Variants in TECR observed in about 807,000 individuals in gnomAD.
TECR encodes the protein very-long-chain enoyl-CoA reductase.
Under a neutral mutation model 50.6 loss-of-function variants are expected in TECR, and 19 were observed. That is an observed-to-expected ratio of 0.38 (90% CI 0.26 to 0.55). The LOEUF (loss-of-function observed/expected upper bound fraction) is 0.55. Ranked by LOEUF, TECR falls within the 20% of genes least tolerant of loss-of-function variation. TECR has a pLI of 0.79. For missense variants in TECR, 313 were observed against 408.3 expected, an observed-to-expected ratio of 0.77 and a Z score of 2.01; for synonymous variants, 168 against 163.5, an observed-to-expected ratio of 1.03 and a Z score of -0.21.
At chr19:14,565,696 GCCCCTCC>G in intron 12 of TECR, 33 bp downstream of exon 12, 1 of 1,611,544 alleles carries the variant, frequency 6.2e-7, no homozygotes, top group Non-Finnish European at 8.5e-7. Context: ...GCGGGGCCCT[GCCCCTCC>G]GGGCCGGCAG....
At chr19:14,532,495 AGAGC>A (rs776090183) in intron 1 of TECR, 11 of 145,356 alleles carry the variant, frequency 7.6e-5, no homozygotes, top group Non-Finnish European at 1.5e-4. Flanking sequence ...CCTGGATGAC[AGAGC>A]GAGAGTCTGT....
At chr19:14,529,781 G>C (rs908495056) in intron 1 of TECR, 70 bp downstream of exon 1, 151 of 1,606,214 alleles carry the variant, frequency 9.4e-5, no homozygotes, top group Non-Finnish European at 1.4e-5. Flanking sequence ...GCGGGACCAC[G>C]GGACCCCACT....
intron 1 of TECR, among the ~76,000 whole-genome samples, chr19:14,551,528 C>T (rs1035143201): frequency 6.6e-6 from 1 of 152,176 alleles, no homozygotes; most frequent in Non-Finnish European, 1.5e-5. Flanking sequence ...CTGACACCGC[C>T]CCCTGTGGCA....
chr19:14,563,444 C>G lies in TECR; in HGVS notation c.118+187C>G, dbSNP rs2073965047. ...ACTCCGCAGGAACGCCCTTGCTAGG[C>G]TCTGGGAAGGACAAGATCCTGCTTC... is the stretch of plus-strand genomic sequence containing the variant. On this transcript the variant is annotated intron_variant, in intron 3 of 12. Coordinates refer to ENST00000215567, the MANE Select transcript of TECR (RefSeq NM_138501.6). The surrounding 1 kb of genome is among the most constrained non-coding windows in gnomAD (Gnocchi z 5.3). The G allele has an allele frequency of 1.2e-6, 1 of 818,224 alleles. No homozygotes were observed. The highest frequency in any genetic ancestry group is 2.0e-6 in the Non-Finnish European group (1 of 502,334). The allele number at this position is 818,224 out of a possible 1,614,324, so 50.7% of individuals were successfully genotyped here. A position where few individuals can be genotyped will look rare whatever the true frequency, so the allele number is the denominator to read the frequency against.
chr19:14,565,170 G>T (rs773726576), intron 10 of TECR, 32 bp from the exon 11 acceptor site: 1 of 1,613,872 alleles, frequency 6.2e-7, no homozygotes, highest in Non-Finnish European at 8.5e-7. Context: ...GGGTGAGGGG[G>T]TCTGACTTTC....
chr19:14,549,715 C>T (rs1017861474), intron 1 of TECR, among the ~76,000 whole-genome samples: 3 of 152,066 alleles, frequency 2.0e-5, no homozygotes, highest in Non-Finnish European at 2.9e-5. Flanking sequence ...GAGGCTTAGG[C>T]GGGCAGATCA....
chr19:14,557,649 G>A (rs1029164920), intron 1 of TECR, among the ~76,000 whole-genome samples: 2 of 148,880 alleles, frequency 1.3e-5, no homozygotes, highest in African/African-American at 2.5e-5. Flanking sequence ...ACGGGGTTTC[G>A]CCATGTTGTC....
chr19:14,557,136 T>A (rs574067400), intron 1 of TECR, among the ~76,000 whole-genome samples: 112 of 150,362 alleles, frequency 7.4e-4, no homozygotes, highest in Middle Eastern at 3.4e-3. Context: ...TTTATTTATT[T>A]ATTTATTTAT....
chr19:14,557,654 G>A (rs951608669), intron 1 of TECR, among the ~76,000 whole-genome samples: 1 of 151,700 alleles, frequency 6.6e-6, no homozygotes, highest in African/African-American at 2.4e-5. Context: ...GTTTCGCCAT[G>A]TTGTCCAGGC....
At chr19:14,560,025 G>T (rs754192) in intron 1 of TECR, among the ~76,000 whole-genome samples, 91,203 of 151,906 alleles carry the variant, frequency 0.6, 28,358 homozygotes, top group African/African-American at 0.77. Flanking sequence ...TGCAGCCCGG[G>T]CTTACCTCCT....
chr19:14,562,330 C>T (rs980794135), intron 1 of TECR, 195 bp from the exon 2 acceptor site: 66 of 667,812 alleles, frequency 9.9e-5, no homozygotes, highest in Middle Eastern at 6.3e-4. Context: ...TGGGGGCTGA[C>T]GGCCGGCAGC....
intron 1 of TECR, among the ~76,000 whole-genome samples, chr19:14,544,857 T>C (rs545495760): frequency 6.6e-6 from 1 of 152,104 alleles, no homozygotes; most frequent in Non-Finnish European, 1.5e-5. Context: ...GGTCTTGAAC[T>C]CATGGGCTCC....
In TECR at chr19:14,563,655, C is replaced by T; in HGVS notation, c.119-3C>T. On this transcript the variant is annotated splice_polypyrimidine_tract_variant and splice_region_variant and intron_variant, in intron 3 of 12. Coordinates refer to ENST00000215567, the MANE Select transcript of TECR (RefSeq NM_138501.6). This position sits in a 1 kb window ranked among gnomAD's most constrained non-coding sequence, Gnocchi z 5.3. ...GGCTGTAACTGCCCTGTTCTCCCCG[C>T]AGATCCGCAGTGGTACCCCGCCCGC... The T allele has an allele frequency of 6.2e-7, 1 of 1,611,556 alleles. No individual in the cohort carries two copies. The highest frequency in any genetic ancestry group is 8.5e-7 in the Non-Finnish European group (1 of 1,179,848).
At chr19:14,546,989 C>G (rs2073330881) in intron 1 of TECR, among the ~76,000 whole-genome samples, 1 of 152,162 alleles carries the variant, frequency 6.6e-6, no homozygotes, top group Non-Finnish European at 1.5e-5. Context: ...GCCACTGCAC[C>G]CAGCCTAAAA....
chr19:14,563,462 C>T lies in TECR; in HGVS notation c.119-196C>T, dbSNP rs2073965608. 1 of 831,704 alleles carries T rather than the reference C, an allele frequency of 1.2e-6. No homozygotes were observed. Among genetic ancestry groups the T allele is most frequent in the South Asian group, 1.5e-5 (1 of 64,654 alleles). 51.5% of individuals were successfully genotyped at this position (831,704 alleles called of 1,614,324 possible). A position where few individuals can be genotyped will look rare whatever the true frequency, so the allele number is the denominator to read the frequency against. On this transcript the variant is annotated intron_variant, in intron 3 of 12. Coordinates refer to ENST00000215567, the MANE Select transcript of TECR (RefSeq NM_138501.6). The surrounding 1 kb of genome is among the most constrained non-coding windows in gnomAD (Gnocchi z 5.3). Reference sequence around the variant, plus strand: ...TGCTAGGCTCTGGGAAGGACAAGATCCTGCTTCTGCCCGCGCTCTTCTGGC... The same window carrying T: ...TGCTAGGCTCTGGGAAGGACAAGATTCTGCTTCTGCCCGCGCTCTTCTGGC...
chr19:14,565,083 C>T lies in TECR; in HGVS notation c.624C>T (p.Asn208=). The part of the protein sequence containing the change: ...LAIFVICQLG[N]FSIHMALRDL... The stretch of plus-strand genomic sequence containing the variant: ...TCTGACAGATCTGCCAGCTCGGCAA[C>T]TTCTCCATCCACATGGCCCTGCGGG... The change falls in exon 10 of 13, where the codon AAC becomes AAT. Residue 208 remains asparagine (N), a synonymous_variant. Transcript: ENST00000215567. 1 of 1,613,924 alleles carries T rather than the reference C, an allele frequency of 6.2e-7. No individual in the cohort carries two copies. Among genetic ancestry groups the T allele is most frequent in the Non-Finnish European group, 8.5e-7 (1 of 1,180,040 alleles).
At chr19:14,535,079 G>C (rs897313249) in intron 1 of TECR, among the ~76,000 whole-genome samples, 2 of 152,128 alleles carry the variant, frequency 1.3e-5, no homozygotes, top group Non-Finnish European at 2.9e-5. Context: ...AGGATTGAGA[G>C]TGATGAGCCT....
At position 14,542,341 on chromosome 19, in the gene TECR, C is replaced by G. The variant is rs535877467; in HGVS notation, c.15+12630C>G. Reference sequence around the variant, plus strand: ...TTAAGTCCTCAGGGGGCCCTCATGCCATAGTGTTTTTTTTTTTTTTTTTTT... The same window carrying G: ...TTAAGTCCTCAGGGGGCCCTCATGCGATAGTGTTTTTTTTTTTTTTTTTTT... On this transcript the variant is annotated intron_variant, in intron 1 of 12. Coordinates refer to ENST00000215567, the MANE Select transcript of TECR (RefSeq NM_138501.6). Among the ~76,000 whole-genome samples, 298 of 92,326 alleles carry G rather than the reference C, an allele frequency of 3.2e-3. 1 individual carries two copies. The highest frequency in any genetic ancestry group is 4.7e-3 in the Non-Finnish European group (180 of 37,910). The allele number at this position is 92,326 out of a possible 152,430, so 60.6% of individuals were successfully genotyped here.
chr19:14,539,172 T>A (rs1375526538), intron 1 of TECR, among the ~76,000 whole-genome samples: 6 of 147,742 alleles, frequency 4.1e-5, no homozygotes, highest in Non-Finnish European at 9.0e-5. Context: ...TTTTTTGTAT[T>A]TTTAGTAGAG....
Sources: gnomAD v4.1 joint callset for allele counts (sites outside exome capture counted in the v4.1 genomes callset) on GRCh38, gnomAD v4.1.1 for gene constraint, Gnocchi (gnomAD v3.1) non-coding constraint, MANE v1.5 for transcripts, NCBI Gene and HGNC (gene_info 2026-07-23, HGNC 2026-07-21) for gene names.